GRIK4: variants seen among roughly 807,000 people sequenced by gnomAD.
GRIK4 encodes the protein glutamate ionotropic receptor kainate type subunit 4, also known as glutamate receptor ionotropic, kainate 4.
A neutral mutation model predicts 104.9 loss-of-function variants in GRIK4; 40 were observed. The ratio of observed to expected loss-of-function variants is 0.38; its 90% CI spans 0.30 to 0.50. The LOEUF (loss-of-function observed/expected upper bound fraction) is 0.50. GRIK4 is among the 20% of genes least tolerant of loss of function. GRIK4 has a pLI of 0.93. For missense variants in GRIK4, 1,047 were observed against 1,308.1 expected, an observed-to-expected ratio of 0.80 and a Z score of 3.08; for synonymous variants, 485 against 524.9, an observed-to-expected ratio of 0.92 and a Z score of 1.04.
At chr11:120,796,051 T>C (rs75663610) in intron 3 of GRIK4, among the ~76,000 whole-genome samples, 1,086 of 97,522 alleles carry the variant, frequency 0.011, 13 homozygotes, top group African/African-American at 0.044. Context: ...TTTTTTTTTT[T>C]CCAAGACGGG....
chr11:120,802,943 G>A, intron 4 of GRIK4, 86 bp downstream of exon 4: 1 of 1,153,596 alleles, frequency 8.7e-7, no homozygotes, highest in Admixed American at 1.9e-5. Flanking sequence ...CAGTCACCAG[G>A]CCTCTGAGAT....
intron 4 of GRIK4, among the ~76,000 whole-genome samples, chr11:120,814,999 C>T (rs2135533130): frequency 6.6e-6 from 1 of 152,364 alleles, no homozygotes; most frequent in African/African-American, 2.4e-5. Context: ...AATGCAGCAG[C>T]TGTGCTGGGG....
intron 1 of GRIK4, among the ~76,000 whole-genome samples, chr11:120,533,200 C>T (rs375206835): frequency 2.6e-5 from 4 of 152,148 alleles, no homozygotes; most frequent in Non-Finnish European, 5.9e-5. Flanking sequence ...ACAAGAGCCT[C>T]CTAGCAGAGG....
chr11:120,527,486 C>T (rs777400648), intron 1 of GRIK4, among the ~76,000 whole-genome samples: 57 of 152,322 alleles, frequency 3.7e-4, no homozygotes, highest in African/African-American at 1.2e-3. Flanking sequence ...AGCAGGGAGC[C>T]GCTGCAAGTT....
chr11:120,589,778 C>T (rs1948713051), intron 1 of GRIK4, among the ~76,000 whole-genome samples: 1 of 152,208 alleles, frequency 6.6e-6, no homozygotes, highest in African/African-American at 2.4e-5. Context: ...ACATTTGTCT[C>T]TTTTCATATA....
At chr11:120,852,147 G>A (rs1212773860) in intron 8 of GRIK4, among the ~76,000 whole-genome samples, 1 of 152,202 alleles carries the variant, frequency 6.6e-6, no homozygotes, top group Non-Finnish European at 1.5e-5. Flanking sequence ...CAGCTACACA[G>A]TTAACCACAC....
intron 1 of GRIK4, among the ~76,000 whole-genome samples, chr11:120,629,884 T>C (rs1458925064): frequency 6.6e-6 from 1 of 152,182 alleles, no homozygotes. Context: ...GGCAGGGGCC[T>C]CTCTGCTGAC....
Position 120,905,539 on chromosome 11 carries a change from G to GGGGC in GRIK4, c.1476+46_1476+47insGGGC. 8.0e-6 allele frequency: 4 copies of GGGGC among 503,048 alleles called. No homozygotes were observed. The highest frequency in any genetic ancestry group is 2.0e-5 in the Admixed American group (1 of 50,716). The allele number at this position is 503,048 out of a possible 1,614,324, so 31.2% of individuals were successfully genotyped here. A position where few individuals can be genotyped will look rare whatever the true frequency, so the allele number is the denominator to read the frequency against. On this transcript the variant is annotated intron_variant, in intron 13 of 20. Coordinates refer to ENST00000527524, the MANE Select transcript of GRIK4 (RefSeq NM_014619.5). The surrounding 1 kb of genome is among the most constrained non-coding windows in gnomAD (Gnocchi z 5.1). ...CTGGGCCTGAGGGTGGGCTGGGAGG[G>GGGGC]ATTGGAAGAGCATGAGGTTGTGCTG...
In GRIK4 at chr11:120,986,340, C is replaced by G. The variant is rs1001613868; in HGVS notation, c.*80C>G. 1 of 1,397,932 alleles carries G rather than the reference C, an allele frequency of 7.2e-7. No individual in the cohort carries two copies. Among genetic ancestry groups the G allele is most frequent in the African/African-American group, 1.5e-5 (1 of 65,622 alleles). 86.6% of individuals were successfully genotyped at this position (1,397,932 alleles called of 1,614,324 possible). A position where few individuals can be genotyped will look rare whatever the true frequency, so the allele number is the denominator to read the frequency against. On this transcript the variant is annotated 3_prime_UTR_variant, in exon 21 of 21. Transcript: ENST00000527524. The stretch of plus-strand genomic sequence containing the variant: ...GGCGGGCGCTGCTGTCAGCCGCCAG[C>G]CGGAACTTGTACAGCGTCGACACCT...
chr11:120,539,324 G>A (rs1948008807), intron 1 of GRIK4, among the ~76,000 whole-genome samples: 1 of 152,216 alleles, frequency 6.6e-6, no homozygotes, highest in South Asian at 2.1e-4. Flanking sequence ...TCCCAGGGCA[G>A]ACCCCCGAGG....
At chr11:120,849,610 T>G (rs1327187673) in intron 8 of GRIK4, among the ~76,000 whole-genome samples, 1 of 152,312 alleles carries the variant, frequency 6.6e-6, no homozygotes, top group East Asian at 1.9e-4. Flanking sequence ...TCTTTAACCC[T>G]CAAAATAACA....
At chr11:120,641,688 G>T (rs1591762013) in intron 1 of GRIK4, among the ~76,000 whole-genome samples, 1 of 152,172 alleles carries the variant, frequency 6.6e-6, no homozygotes, top group Admixed American at 6.5e-5. Context: ...CTTCACTTTT[G>T]TTGCTGTCTT....
At position 120,772,231 on chromosome 11, in the gene GRIK4, C is replaced by CA. The variant is rs929732976; in HGVS notation, c.83-30456dup. Among the ~76,000 whole-genome samples the CA allele has an allele frequency of 5.9e-5, 9 of 151,512 alleles. No individual in the cohort carries two copies. The East Asian group carries it at 1.2e-3, about 20-fold the overall frequency. On this transcript the variant is annotated intron_variant, in intron 3 of 20. Coordinates refer to ENST00000527524, the MANE Select transcript of GRIK4 (RefSeq NM_014619.5). The stretch of plus-strand genomic sequence containing the variant: ...GCTATTTAAAAAACAAACAAACAAA[C>CA]AAAAAACAAAAAAAACCTTAGAATG...
chr11:120,917,188 C>T (rs1395200951), intron 13 of GRIK4, among the ~76,000 whole-genome samples: 18 of 129,176 alleles, frequency 1.4e-4, no homozygotes, highest in Middle Eastern at 5.3e-3. Context: ...CGGAGGTTGC[C>T]GTGAGCTGAG....
At chr11:120,701,623 G>A (rs1046098382) in intron 3 of GRIK4, among the ~76,000 whole-genome samples, 3 of 152,196 alleles carry the variant, frequency 2.0e-5, no homozygotes, top group Non-Finnish European at 4.4e-5. Flanking sequence ...CATCTCCTGT[G>A]TGTATATACC....
At chr11:120,723,598 C>T (rs546332729) in intron 3 of GRIK4, among the ~76,000 whole-genome samples, 5 of 152,330 alleles carry the variant, frequency 3.3e-5, no homozygotes, top group African/African-American at 1.2e-4. Flanking sequence ...GATTCCAGGC[C>T]TTGGAACCAG....
chr11:120,943,715 G>C (rs996522024), intron 14 of GRIK4, among the ~76,000 whole-genome samples: 2 of 152,196 alleles, frequency 1.3e-5, no homozygotes, highest in African/African-American at 4.8e-5. Flanking sequence ...TTAGTTCTAT[G>C]TTTATGAGGT....
In GRIK4 at chr11:120,524,214, C is replaced by T. The variant is rs1344913468; in HGVS notation, c.-159+12327C>T. ...TGCTGGGATTAGCGGCGTGAGCCACCGCGTCTGGCCGTTTCTGCATTCTTT... is the reference window on the plus strand; with the variant it reads ...TGCTGGGATTAGCGGCGTGAGCCACTGCGTCTGGCCGTTTCTGCATTCTTT... On this transcript the variant is annotated intron_variant, in intron 1 of 20. Coordinates refer to ENST00000527524, the MANE Select transcript of GRIK4 (RefSeq NM_014619.5). The surrounding 1 kb of genome is among the most constrained non-coding windows in gnomAD (Gnocchi z 4.5). Among the ~76,000 whole-genome samples, 5 of 152,182 alleles carry T rather than the reference C, an allele frequency of 3.3e-5. No homozygotes were observed. Among genetic ancestry groups the T allele is most frequent in the Admixed American group, 6.5e-5 (1 of 15,272 alleles).
chr11:120,714,517 G>T (rs186445621), intron 3 of GRIK4, among the ~76,000 whole-genome samples: 1 of 152,164 alleles, frequency 6.6e-6, no homozygotes, highest in Admixed American at 6.5e-5. Context: ...CTTAAATCTC[G>T]TGGAGGTTAG....
Sources: allele counts gnomAD v4.1 joint callset (sites outside exome capture counted in the v4.1 genomes callset), GRCh38; gene constraint gnomAD v4.1.1; non-coding constraint Gnocchi (gnomAD v3.1); transcripts MANE v1.5; gene names NCBI Gene and HGNC (gene_info 2026-07-23, HGNC 2026-07-21).